TMCO6: variants seen among roughly 807,000 people sequenced by gnomAD.
TMCO6 encodes the protein transmembrane and coiled-coil domain-containing protein 6.
A neutral mutation model predicts 61.8 loss-of-function variants in TMCO6; 47 were observed. That is an observed-to-expected ratio of 0.76 (90% confidence interval 0.60 to 0.97). The LOEUF is 0.97. TMCO6 is among the 50% of genes least tolerant of loss of function. The probability of loss-of-function intolerance (pLI) is 0.00; values close to 1 mark genes in which losing one functional copy is unlikely to be tolerated. For synonymous variants in TMCO6, 261 were observed against 254.2 expected, an observed-to-expected ratio of 1.03 and a Z score of -0.25; for missense variants, 557 against 601.6, an observed-to-expected ratio of 0.93 and a Z score of 0.78.
chr5:140,638,066 A>T (rs1312774900), upstream of TMCO6, among the ~76,000 whole-genome samples: 1 of 151,862 alleles, frequency 6.6e-6, no homozygotes, highest in Non-Finnish European at 1.5e-5. Context: ...GAACACTCGA[A>T]CAAAGGATTA....
In TMCO6 at chr5:140,643,762, C is replaced by A; in HGVS notation, c.919-18C>A. 6.2e-7 allele frequency: 1 copy of A among 1,611,968 alleles called. No homozygotes were observed. On this transcript the variant is annotated intron_variant, in intron 8 of 11. Coordinates refer to ENST00000394671, the MANE Select transcript of TMCO6 (RefSeq NM_018502.5). ...ACCTCTTCCTTCTTACACCTGACCC[C>A]CCAATTTGTCTTTGCAGCTGGCATG...
chr5:140,646,164 C>G (rs907334144), downstream of TMCO6, among the ~76,000 whole-genome samples: 1 of 152,074 alleles, frequency 6.6e-6, no homozygotes, highest in African/African-American at 2.4e-5. Context: ...GTGCCCGCCA[C>G]CACACCCGGC....
the TMCO6 span, chr5:140,632,296 G>A: frequency 1.2e-6 from 2 of 1,613,838 alleles, no homozygotes; most frequent in African/African-American, 2.7e-5. This position sits in a 1 kb window ranked among gnomAD's most constrained non-coding sequence, Gnocchi z 6.2. Flanking sequence ...CCTGTGTTGC[G>A]CAGCGCTAGA....
the TMCO6 span, among the ~76,000 whole-genome samples, chr5:140,617,905 T>G: frequency 2.2e-4 from 33 of 152,228 alleles, no homozygotes; most frequent in South Asian, 5.6e-3. Context: ...AGTGGGAATG[T>G]AAAATGGTGC....
At chr5:140,644,940 A>G in intron 11 of TMCO6, 45 bp from the exon 12 acceptor site, 5 of 1,593,680 alleles carry the variant, frequency 3.1e-6, no homozygotes, top group African/African-American at 1.3e-5. Context: ...ATTGAGTCTT[A>G]GGACACAGAG....
chr5:140,646,721 C>T (rs1757422952), downstream of TMCO6, among the ~76,000 whole-genome samples: 1 of 152,134 alleles, frequency 6.6e-6, no homozygotes, highest in South Asian at 2.1e-4. Flanking sequence ...TGTAAAGGCT[C>T]AATCCTGTTA....
the TMCO6 span, chr5:140,632,389 G>A: frequency 5.1e-5 from 82 of 1,614,082 alleles, 1 homozygote; most frequent in Non-Finnish European, 5.2e-5. The surrounding 1 kb of genome is among the most constrained non-coding windows in gnomAD (Gnocchi z 6.2). Flanking sequence ...GACAGGTCTA[G>A]GCTGGTAAGG....
chr5:140,618,802 T>C, the TMCO6 span, among the ~76,000 whole-genome samples: 1 of 152,112 alleles, frequency 6.6e-6, no homozygotes, highest in African/African-American at 2.4e-5. Context: ...ACAGATTTTA[T>C]ACCCTTTGAA....
At chr5:140,603,279 T>A in the TMCO6 span, among the ~76,000 whole-genome samples, 1 of 152,016 alleles carries the variant, frequency 6.6e-6, no homozygotes, top group East Asian at 1.9e-4. Flanking sequence ...ACTTTCAGTG[T>A]TTGGCTTATT....
chr5:140,636,558 AAAG>A (rs1471438549), upstream of TMCO6, among the ~76,000 whole-genome samples: 1 of 152,074 alleles, frequency 6.6e-6, no homozygotes, highest in Non-Finnish European at 1.5e-5. Flanking sequence ...AAAATTAAAA[AAAG>A]AAGCCAGACA....
At chr5:140,603,678 G>GTT in the TMCO6 span, among the ~76,000 whole-genome samples, 109 of 150,466 alleles carry the variant, frequency 7.2e-4, no homozygotes, top group South Asian at 8.2e-3. Context: ...AATATTTGGG[G>GTT]TTTTTTTTTG....
At chr5:140,630,858 C>T in the TMCO6 span, among the ~76,000 whole-genome samples, 1 of 152,200 alleles carries the variant, frequency 6.6e-6, no homozygotes, top group Non-Finnish European at 1.5e-5. Context: ...TATATGCCTC[C>T]TCCCACCTTT....
intron 11 of TMCO6, 105 bp from the exon 12 acceptor site, chr5:140,644,880 T>C (rs2149799442): frequency 6.7e-7 from 1 of 1,503,042 alleles, no homozygotes; most frequent in South Asian, 1.2e-5. Flanking sequence ...CTTCATCCTC[T>C]TGTTGGGGAA....
At chr5:140,630,227 C>T in the TMCO6 span, among the ~76,000 whole-genome samples, 3 of 151,878 alleles carry the variant, frequency 2.0e-5, no homozygotes, top group South Asian at 2.1e-4. Context: ...CTCTTGACCT[C>T]GTGATCCGCC....
the TMCO6 span, chr5:140,631,800 C>G: frequency 6.8e-6 from 10 of 1,473,404 alleles, 1 homozygote; most frequent in South Asian, 1.4e-4. Flanking sequence ...AACGTCCTGA[C>G]GGGACTCCCC....
the TMCO6 span, among the ~76,000 whole-genome samples, chr5:140,619,298 C>T: frequency 6.6e-6 from 1 of 152,198 alleles, no homozygotes; most frequent in Non-Finnish European, 1.5e-5. Flanking sequence ...AGTTCCAGCT[C>T]CCTTTCTAGC....
At chr5:140,623,945 G>T in the TMCO6 span, among the ~76,000 whole-genome samples, 1 of 152,050 alleles carries the variant, frequency 6.6e-6, no homozygotes, top group African/African-American at 2.4e-5. Flanking sequence ...CAAAAAATGC[G>T]CATAATTTGA....
the TMCO6 span, among the ~76,000 whole-genome samples, chr5:140,609,910 T>C: frequency 6.6e-6 from 1 of 152,046 alleles, no homozygotes; most frequent in Non-Finnish European, 1.5e-5. Flanking sequence ...AGTCTCACTG[T>C]CACCCAGGAT....
At chr5:140,631,199 A>G in the TMCO6 span, among the ~76,000 whole-genome samples, 1 of 152,104 alleles carries the variant, frequency 6.6e-6, no homozygotes, top group African/African-American at 2.4e-5. Flanking sequence ...GACACAGTGA[A>G]AGCCTCCGGG....
Sources: allele counts gnomAD v4.1 joint callset (sites outside exome capture counted in the v4.1 genomes callset), GRCh38; gene constraint gnomAD v4.1.1; non-coding constraint Gnocchi (gnomAD v3.1); transcripts MANE v1.5; gene names NCBI Gene and HGNC (gene_info 2026-07-23, HGNC 2026-07-21).